The following URB1 variants were observed in gnomAD, a reference collection of about 807,000 sequenced individuals.
The protein encoded by URB1 is nucleolar pre-ribosomal-associated protein 1.
In URB1, 197 loss-of-function variants were observed where a neutral mutation model predicts 242.3. The observed-to-expected ratio is 0.81, with a 90% CI of 0.72 to 0.91. URB1 has a LOEUF of 0.91. Ranked by LOEUF, URB1 falls within the 40% of genes least tolerant of loss-of-function variation. The pLI is 0.00. For missense variants in URB1, 2,721 were observed against 2,860.5 expected, an observed-to-expected ratio of 0.95 and a Z score of 1.11; for synonymous variants, 1,153 against 1,201.8, an observed-to-expected ratio of 0.96 and a Z score of 0.84.
At chr21:32,341,049 AAAT>A (rs2033023815) in intron 25 of URB1, among the ~76,000 whole-genome samples, 1 of 152,202 alleles carries the variant, frequency 6.6e-6, no homozygotes, top group Non-Finnish European at 1.5e-5. Flanking sequence ...TAAACACGCT[AAAT>A]AATACTGTTT....
Position 32,334,198 on chromosome 21 carries a change from G to A in URB1, c.4822C>T (p.His1608Tyr). ...AGCAGCCTCCGGTTCTGGGGGAAGTGCAGGATGGTCTGCATCATCCGGTCC... is the reference window on the plus strand; with the variant it reads ...AGCAGCCTCCGGTTCTGGGGGAAGTACAGGATGGTCTGCATCATCCGGTCC... Reference protein sequence around the residue: ...DRDRMMQTILHFPQNRRLLPP... With the variant: ...DRDRMMQTILYFPQNRRLLPP... The change falls in exon 29 of 39, where the codon CAC (histidine) becomes TAC (tyrosine). Residue 1608 changes from histidine to tyrosine, a missense_variant. By Grantham distance (83) the His-to-Tyr change is moderately conservative. Transcript: ENST00000382751. The A allele has an allele frequency of 6.4e-7, 1 of 1,551,100 alleles. No individual in the cohort carries two copies. Among genetic ancestry groups the A allele is most frequent in the Non-Finnish European group, 8.7e-7 (1 of 1,146,632 alleles).
chr21:32,368,275 C>T (rs1356208125), intron 9 of URB1, 128 bp downstream of exon 9: 1 of 768,820 alleles, frequency 1.3e-6, no homozygotes, highest in African/African-American at 1.8e-5. Context: ...GTCACGTTGG[C>T]CAGGCTGGTC....
chr21:32,317,786 G>T lies in URB1; in HGVS notation c.5924C>A (p.Thr1975Asn). The part of the protein sequence containing the change: ...RFTVNETVLS[T>N]KDVLVLLHKW... ...GTGCAAGAGGACAAGGACGTCCTTG[G>T]TGGAAAGCACTGTCTCATTTACGGT... The change falls in exon 37 of 39, where the codon ACC becomes AAC. Residue 1975 changes from threonine to asparagine, a missense_variant. Coordinates refer to ENST00000382751, the MANE Select transcript of URB1 (RefSeq NM_014825.3). The T allele has an allele frequency of 6.4e-7, 1 of 1,551,990 alleles. No homozygotes were observed. The highest frequency in any genetic ancestry group is 8.7e-7 in the Non-Finnish European group (1 of 1,147,052).
intron 34 of URB1, among the ~76,000 whole-genome samples, chr21:32,321,262 A>T (rs2032762021): frequency 6.6e-6 from 1 of 152,206 alleles, no homozygotes; most frequent in South Asian, 2.1e-4. Context: ...ATTTCCTTCT[A>T]CCACCTACCT....
intron 23 of URB1, 102 bp from the exon 24 acceptor site, chr21:32,344,858 G>A (rs2033068004): frequency 1.5e-6 from 2 of 1,311,438 alleles, no homozygotes; most frequent in African/African-American, 1.5e-5. Context: ...TAGATGCTGA[G>A]TCCTGCTCCC....
At chr21:32,364,045 G>A (rs1196778062) in intron 10 of URB1, among the ~76,000 whole-genome samples, 1 of 151,146 alleles carries the variant, frequency 6.6e-6, no homozygotes. Flanking sequence ...GTGGAGGAAT[G>A]GCCAAAAAAA....
At chr21:32,317,600 G>C in intron 37 of URB1, 76 bp downstream of exon 37, 1 of 1,498,558 alleles carries the variant, frequency 6.7e-7, no homozygotes, top group South Asian at 1.3e-5. Flanking sequence ...CTGAGAGACA[G>C]AGAGAGAGGG....
At chr21:32,358,921 T>C (rs2033254466) in intron 14 of URB1, among the ~76,000 whole-genome samples, 1 of 152,082 alleles carries the variant, frequency 6.6e-6, no homozygotes, top group African/African-American at 2.4e-5. Flanking sequence ...TGTCTTTAAG[T>C]AACGTGAAAC....
intron 14 of URB1, 42 bp downstream of exon 14, chr21:32,359,754 C>A (rs1251806640): frequency 8.7e-6 from 13 of 1,486,288 alleles, no homozygotes; most frequent in Non-Finnish European, 1.2e-5. Context: ...CCCGGCCCAG[C>A]AGGTAAGCTT....
At chr21:32,366,886 A>T in intron 9 of URB1, 131 bp from the exon 10 acceptor site, 2 of 979,782 alleles carry the variant, frequency 2.0e-6, no homozygotes, top group Non-Finnish European at 3.0e-6. Context: ...ACTCCCCACA[A>T]GGCAGAGTGG....
At position 32,336,916 on chromosome 21, in the gene URB1, G is replaced by C. The variant is rs116571915; in HGVS notation, c.4685+178C>G. Among the ~76,000 whole-genome samples the C allele has an allele frequency of 2.9e-3, 448 of 152,300 alleles. 2 individuals are homozygous for C. Among genetic ancestry groups the C allele is most frequent in the African/African-American group, 0.01 (436 of 41,570 alleles). On this transcript the variant is annotated intron_variant, in intron 28 of 38. Transcript: ENST00000382751. ...CCTGCCCAGATGCCTTATGGCATAA[G>C]GCCAAGCTTCCCCAGAGCACCCTAT...
At chr21:32,339,011 G>A (rs1239998395) in intron 25 of URB1, 111 bp from the exon 26 acceptor site, 4 of 1,173,272 alleles carry the variant, frequency 3.4e-6, no homozygotes, top group Non-Finnish European at 4.6e-6. Context: ...TTATTTTTGA[G>A]ATGGAGTCTC....
intron 6 of URB1, among the ~76,000 whole-genome samples, chr21:32,374,468 A>G (rs1357507167): frequency 1.3e-5 from 2 of 152,192 alleles, no homozygotes; most frequent in Admixed American, 6.5e-5. Context: ...AAGACCTCTG[A>G]CACATCCTGT....
At chr21:32,336,963 G>T in intron 28 of URB1, 131 bp downstream of exon 28, 1 of 889,452 alleles carries the variant, frequency 1.1e-6, no homozygotes, top group Non-Finnish European at 1.8e-6. Flanking sequence ...TGTGAGTCAG[G>T]GGAGTGCTGC....
At chr21:32,348,396 C>G (rs775927295) in intron 21 of URB1, among the ~76,000 whole-genome samples, 1 of 152,190 alleles carries the variant, frequency 6.6e-6, no homozygotes, top group Non-Finnish European at 1.5e-5. Flanking sequence ...AATCCTGTCT[C>G]CACTGTCAGG....
At position 32,380,420 on chromosome 21, in the gene URB1, TG is replaced by T. The variant is rs1345384540; in HGVS notation, c.568-1880del. 2.0e-5 allele frequency among the ~76,000 whole-genome samples: 3 copies of T among 152,232 alleles called. No homozygotes were observed. In the East Asian group the frequency reaches 5.8e-4, roughly 29 times the overall value. Reference sequence around the variant, plus strand: ...CCTCTCTGTTCTGAGGACCTATCTGTGTGTCTCATCACAATAAGGAGTTTGC... The same window carrying T: ...CCTCTCTGTTCTGAGGACCTATCTGTTGTCTCATCACAATAAGGAGTTTGC... On this transcript the variant is annotated intron_variant, in intron 4 of 38. Coordinates refer to ENST00000382751, the MANE Select transcript of URB1 (RefSeq NM_014825.3).
rs1395869276 is a variant in URB1, at chr21:32,352,793, A to G, written c.2530T>C (p.Cys844Arg). The G allele has an allele frequency of 6.4e-7, 1 of 1,551,744 alleles. No individual in the cohort carries two copies. Residue 844 changes from cysteine (C) to arginine (R), a missense_variant, in exon 19 of 39, where the codon TGC (cysteine) becomes CGC (arginine). Coordinates refer to ENST00000382751, the MANE Select transcript of URB1 (RefSeq NM_014825.3). ...AGCTGCTGGCAGCAAGGCACCAGGC[A>G]TGGAGGCTCAAGCTTATCATATGCC... ...LQAYDKLEPP[C>R]LVPCCQQLSR...
chr21:32,362,863 GA>G (rs1448811978), intron 11 of URB1, among the ~76,000 whole-genome samples: 1 of 152,166 alleles, frequency 6.6e-6, no homozygotes, highest in African/African-American at 2.4e-5. Context: ...GCTCCTGATT[GA>G]ACATGAGGTC....
chr21:32,355,759 C>T (rs2033213284), intron 15 of URB1, among the ~76,000 whole-genome samples, 194 bp from the exon 16 acceptor site: 2 of 152,200 alleles, frequency 1.3e-5, no homozygotes, highest in South Asian at 2.1e-4. Flanking sequence ...CAGGAGTGTG[C>T]CAACACGTCC....
Sources: allele counts gnomAD v4.1 joint callset (sites outside exome capture counted in the v4.1 genomes callset), GRCh38; gene constraint gnomAD v4.1.1; transcripts MANE v1.5; gene names NCBI Gene and HGNC (gene_info 2026-07-23, HGNC 2026-07-21).